The following RPA3 variants were observed in gnomAD, a reference collection of about 807,000 sequenced individuals.
RPA3 encodes the protein replication protein A3.
Under a neutral mutation model 13.7 loss-of-function variants are expected in RPA3, and 24 were observed. The ratio of observed to expected loss-of-function variants is 1.75; its 90% confidence interval spans 1.27 to 2.46. RPA3 has a LOEUF of 2.46. Ranked by LOEUF, RPA3 falls within the 30% of genes most tolerant of loss-of-function variation. RPA3 has a pLI of 0.00. For synonymous variants in RPA3, 59 were observed against 51.2 expected (o/e 1.15, Z -0.65); for missense variants, 183 against 151.0 (o/e 1.21, Z -1.11).
chr7:7,657,090 G>C (rs192070507), intron 4 of RPA3, among the ~76,000 whole-genome samples: 1 of 152,100 alleles, frequency 6.6e-6, no homozygotes, highest in Non-Finnish European at 1.5e-5. Context: ...TTTTTCATAT[G>C]TTTGTTGTCT....
chr7:7,677,728 C>T (rs1313369493), intron 4 of RPA3, among the ~76,000 whole-genome samples: 6 of 130,144 alleles, frequency 4.6e-5, no homozygotes, highest in African/African-American at 1.8e-4. Flanking sequence ...GGCTGGAGTG[C>T]AGTGGCGGGA....
At chr7:7,654,527 T>C (rs1274570394) in intron 4 of RPA3, among the ~76,000 whole-genome samples, 2 of 152,202 alleles carry the variant, frequency 1.3e-5, no homozygotes, top group East Asian at 3.8e-4. Context: ...TGGTATAGTA[T>C]TTGTATATAG....
At chr7:7,638,435 T>C (rs1397848748) in intron 6 of RPA3, 1 of 152,256 alleles carries the variant, frequency 6.6e-6, no homozygotes, top group Non-Finnish European at 1.5e-5. Flanking sequence ...AAATAGAAAA[T>C]AAAATAAAAT....
intron 4 of RPA3, among the ~76,000 whole-genome samples, chr7:7,671,368 C>CT (rs940935972): frequency 6.6e-6 from 1 of 152,158 alleles, no homozygotes; most frequent in Non-Finnish European, 1.5e-5. Flanking sequence ...CCCTTAGTCT[C>CT]TTTTTTCTGA....
chr7:7,655,133 A>G (rs1785311450), intron 4 of RPA3, among the ~76,000 whole-genome samples: 1 of 152,152 alleles, frequency 6.6e-6, no homozygotes, highest in Non-Finnish European at 1.5e-5. Context: ...TTACATGCTA[A>G]TGATGAGTAG....
chr7:7,638,300 T>C, intron 6 of RPA3: 1 of 212,188 alleles, frequency 4.7e-6, no homozygotes, highest in Non-Finnish European at 9.7e-6. Context: ...TATTTCACAA[T>C]GTGTTCTGTA....
At chr7:7,690,683 C>A (rs1780152931) in intron 2 of RPA3, among the ~76,000 whole-genome samples, 1 of 151,936 alleles carries the variant, frequency 6.6e-6, no homozygotes, top group Non-Finnish European at 1.5e-5. Context: ...TATCTAAATT[C>A]TTTTGTTTTT....
intron 6 of RPA3, chr7:7,638,179 A>T: frequency 2.4e-6 from 1 of 416,514 alleles, no homozygotes; most frequent in Non-Finnish European, 4.4e-6. Context: ...TACCTTTAGC[A>T]GTAGCTTCAA....
intron 4 of RPA3, among the ~76,000 whole-genome samples, chr7:7,678,239 C>G (rs1472261519): frequency 7.1e-6 from 1 of 141,262 alleles, no homozygotes; most frequent in Non-Finnish European, 1.5e-5. Flanking sequence ...CACATCCTTG[C>G]CAGCATTTGT....
At chr7:7,704,765 TCAAA>T (rs1780555250) in intron 2 of RPA3, among the ~76,000 whole-genome samples, 1 of 16,290 alleles carries the variant, frequency 6.1e-5, no homozygotes, top group Non-Finnish European at 1.0e-4. Context: ...AGACTCCATC[TCAAA>T]AAAAAAAAAA....
intron 4 of RPA3, among the ~76,000 whole-genome samples, chr7:7,670,849 C>T (rs1243778600): frequency 6.6e-6 from 1 of 152,166 alleles, no homozygotes; most frequent in Non-Finnish European, 1.5e-5. Context: ...TTCTGCAATT[C>T]CACAGTAGAA....
chr7:7,643,281 C>T (rs970561104), intron 4 of RPA3, among the ~76,000 whole-genome samples: 6 of 152,092 alleles, frequency 3.9e-5, no homozygotes, highest in Non-Finnish European at 7.4e-5. Context: ...TACACTCCAC[C>T]GGAAAAAGGA....
intron 4 of RPA3, among the ~76,000 whole-genome samples, chr7:7,660,278 T>C (rs760751027): frequency 1.4e-4 from 21 of 152,244 alleles, no homozygotes; most frequent in Non-Finnish European, 2.4e-4. Flanking sequence ...TGTCTTTTAA[T>C]TGGGGGCATT....
chr7:7,715,429 C>G (rs1416324961), intron 1 of RPA3, among the ~76,000 whole-genome samples: 1 of 152,102 alleles, frequency 6.6e-6, no homozygotes, highest in Non-Finnish European at 1.5e-5. Context: ...AGCTAGTTCC[C>G]TGATAAGTAA....
intron 4 of RPA3, among the ~76,000 whole-genome samples, chr7:7,682,618 T>C (rs572877274): frequency 3.9e-5 from 6 of 152,296 alleles, no homozygotes; most frequent in African/African-American, 1.4e-4. Context: ...AAACAGGTTT[T>C]CAACATGTGC....
At chr7:7,660,980 C>T (rs1469667525) in intron 4 of RPA3, among the ~76,000 whole-genome samples, 1 of 147,770 alleles carries the variant, frequency 6.8e-6, no homozygotes, top group Non-Finnish European at 1.5e-5. Context: ...TCCCATATTT[C>T]TTGGAGGCTT....
intron 2 of RPA3, among the ~76,000 whole-genome samples, chr7:7,703,030 C>T (rs1453820826): frequency 6.6e-6 from 1 of 152,196 alleles, no homozygotes; most frequent in African/African-American, 2.4e-5. Flanking sequence ...AGGAGAATGC[C>T]TTCAGCTAGT....
intron 4 of RPA3, among the ~76,000 whole-genome samples, chr7:7,645,081 G>C (rs79646924): frequency 2.6e-5 from 4 of 152,072 alleles, no homozygotes; most frequent in African/African-American, 7.2e-5. Flanking sequence ...TTAAATTAAA[G>C]ATTTTAACTG....
At chr7:7,683,597 T>A (rs1779964232) in intron 4 of RPA3, among the ~76,000 whole-genome samples, 1 of 151,968 alleles carries the variant, frequency 6.6e-6, no homozygotes, top group South Asian at 2.1e-4. Context: ...TCATACATGA[T>A]CCTATGAAAT....
Sources: gnomAD v4.1 joint callset for allele counts (sites outside exome capture counted in the v4.1 genomes callset) on GRCh38, gnomAD v4.1.1 for gene constraint, MANE v1.5 for transcripts, NCBI Gene and HGNC (gene_info 2026-07-23, HGNC 2026-07-21) for gene names.